Variants in COL25A1 observed in about 807,000 individuals in gnomAD.
COL25A1 encodes the protein collagen type XXV alpha 1 chain.
A neutral mutation model predicts 128.4 loss-of-function variants in COL25A1; 103 were observed. That is an observed-to-expected ratio of 0.80 (90% CI 0.68 to 0.94). The LOEUF is 0.94. Ranked by LOEUF, COL25A1 falls within the 40% of genes least tolerant of loss-of-function variation. The pLI is 0.00. For missense variants in COL25A1, 745 were observed against 840.0 expected (o/e 0.89, Z 1.40); for synonymous variants, 279 against 277.2 (o/e 1.01, Z -0.06).
chr4:109,292,386 A>C (rs1173099057), intron 3 of COL25A1, among the ~76,000 whole-genome samples: 6 of 152,050 alleles, frequency 3.9e-5, no homozygotes, highest in Admixed American at 3.9e-4. Context: ...AAAATGTTTA[A>C]AAGGCATGGG....
intron 3 of COL25A1, among the ~76,000 whole-genome samples, chr4:109,183,222 C>A (rs1018241386): frequency 1.3e-5 from 2 of 152,064 alleles, no homozygotes; most frequent in Admixed American, 6.6e-5. Flanking sequence ...AGCATCTCCA[C>A]CAGCATCCTG....
chr4:109,243,595 A>T (rs967665628), intron 3 of COL25A1, among the ~76,000 whole-genome samples: 11 of 152,104 alleles, frequency 7.2e-5, no homozygotes, highest in Non-Finnish European at 1.3e-4. Context: ...TGAGTGATTT[A>T]AAAACATTCT....
chr4:109,244,529 A>C (rs1780132657), intron 3 of COL25A1, among the ~76,000 whole-genome samples: 1 of 152,174 alleles, frequency 6.6e-6, no homozygotes, highest in South Asian at 2.1e-4. Context: ...TTAAGTTTTA[A>C]TTCACAAACT....
intron 6 of COL25A1, among the ~76,000 whole-genome samples, chr4:108,983,024 G>GA (rs1429815452): frequency 1.3e-5 from 2 of 152,110 alleles, no homozygotes; most frequent in Non-Finnish European, 2.9e-5. Context: ...AAAACAGCAG[G>GA]AATCAGGGAC....
intron 5 of COL25A1, among the ~76,000 whole-genome samples, chr4:109,041,003 T>G (rs1040344122): frequency 5.9e-5 from 9 of 152,124 alleles, no homozygotes; most frequent in African/African-American, 2.2e-4. Flanking sequence ...TCAAGCTTCA[T>G]GAAACTGACT....
intron 16 of COL25A1, among the ~76,000 whole-genome samples, chr4:108,894,654 A>G (rs1470396574): frequency 1.3e-5 from 2 of 152,164 alleles, no homozygotes; most frequent in Non-Finnish European, 2.9e-5. Context: ...CAGAGACCAC[A>G]TGGCCCACAA....
chr4:109,267,822 T>C (rs887081911), intron 3 of COL25A1, among the ~76,000 whole-genome samples: 1 of 152,150 alleles, frequency 6.6e-6, no homozygotes, highest in African/African-American at 2.4e-5. Flanking sequence ...ATACTTCAGG[T>C]CCCAAGCATC....
intron 6 of COL25A1, among the ~76,000 whole-genome samples, chr4:108,981,495 T>A (rs1317351968): frequency 6.6e-6 from 1 of 152,192 alleles, no homozygotes; most frequent in Non-Finnish European, 1.5e-5. Context: ...ATAAATTGTG[T>A]GTGTGGATAC....
At chr4:109,201,612 T>C (rs1454649992) in intron 3 of COL25A1, among the ~76,000 whole-genome samples, 5 of 152,172 alleles carry the variant, frequency 3.3e-5, no homozygotes. Flanking sequence ...ACCACTTCTA[T>C]TCAATATCAC....
In COL25A1 at chr4:108,845,270, C is replaced by G; in HGVS notation, c.1516-19G>C. Reference sequence around the variant, plus strand: ...TGGCTCCCTATAAATAACCATTAAGCAGAGTTAAGCAGGTAAAGTTATTTC... The same window carrying G: ...TGGCTCCCTATAAATAACCATTAAGGAGAGTTAAGCAGGTAAAGTTATTTC... On this transcript the variant is annotated intron_variant, in intron 28 of 37. Coordinates refer to ENST00000399132, the MANE Select transcript of COL25A1 (RefSeq NM_198721.4). 1 of 1,596,922 alleles carries G rather than the reference C, an allele frequency of 6.3e-7. No individual in the cohort carries two copies. The highest frequency in any genetic ancestry group is 8.6e-7 in the Non-Finnish European group (1 of 1,164,368).
chr4:109,208,959 T>C (rs146994581), intron 3 of COL25A1, among the ~76,000 whole-genome samples: 541 of 152,330 alleles, frequency 3.6e-3, no homozygotes, highest in African/African-American at 0.012. Context: ...GAGTATATAA[T>C]AAACAGTAGA....
At position 108,937,809 on chromosome 4, in the gene COL25A1, A is replaced by T. The variant is rs772937696; in HGVS notation, c.707T>A (p.Met236Lys). ...EPGKPGEQGL[M>K]GPLGPPGQKG... is the part of the protein sequence containing the mutation. The stretch of plus-strand genomic sequence containing the variant: ...AAAAAGATAAACTGAGATACTTGCC[A>T]TCAAGCCTTGTTCTCCTGGCTTTCC... Residue 236 changes from methionine (M) to lysine (K), a missense_variant and splice_region_variant, in exon 11 of 38, where the codon ATG (methionine) becomes AAG (lysine). This residue lies in a region of COL25A1 where 319 missense variants were observed against 324.9 expected (regional missense o/e 0.98). Transcript: ENST00000399132. The T allele has an allele frequency of 6.8e-6, 11 of 1,607,348 alleles. No individual in the cohort carries two copies. The South Asian group carries it at 1.0e-4, about 15-fold the overall frequency.
intron 12 of COL25A1, among the ~76,000 whole-genome samples, chr4:108,920,223 C>T (rs767297947): frequency 3.9e-5 from 6 of 152,060 alleles, no homozygotes; most frequent in Non-Finnish European, 7.4e-5. Flanking sequence ...GTTCTCTGGC[C>T]GTTTGGCAAT....
At chr4:109,103,679 T>C (rs1327055070) in intron 3 of COL25A1, among the ~76,000 whole-genome samples, 3 of 152,162 alleles carry the variant, frequency 2.0e-5, no homozygotes, top group African/African-American at 7.2e-5. Flanking sequence ...TCTGAACTCA[T>C]GTTTAAAATG....
At chr4:109,266,798 T>C (rs942459955) in intron 3 of COL25A1, among the ~76,000 whole-genome samples, 1 of 152,218 alleles carries the variant, frequency 6.6e-6, no homozygotes, top group African/African-American at 2.4e-5. Flanking sequence ...GTAGCAATTA[T>C]AGTTATAAAC....
chr4:109,237,799 T>C (rs1041587725), intron 3 of COL25A1, among the ~76,000 whole-genome samples: 1 of 152,018 alleles, frequency 6.6e-6, no homozygotes, highest in East Asian at 1.9e-4. Flanking sequence ...AAACTGAAAC[T>C]CTGTGCCCAT....
At chr4:109,197,231 C>T (rs1305578480) in intron 3 of COL25A1, among the ~76,000 whole-genome samples, 1 of 148,784 alleles carries the variant, frequency 6.7e-6, no homozygotes, top group African/African-American at 2.5e-5. Flanking sequence ...AAGGCTGAGG[C>T]AGGAGGATCA....
At chr4:109,246,000 CTT>C (rs1465744636) in intron 3 of COL25A1, among the ~76,000 whole-genome samples, 8 of 101,670 alleles carry the variant, frequency 7.9e-5, no homozygotes, top group Admixed American at 1.2e-4. Context: ...CCTCTAGTTG[CTT>C]TTTTGTTAAA....
chr4:109,208,355 T>C (rs765713959), intron 3 of COL25A1, among the ~76,000 whole-genome samples: 1 of 152,092 alleles, frequency 6.6e-6, no homozygotes, highest in Admixed American at 6.6e-5. Context: ...AAACATACAC[T>C]GAGGAGTCTC....
Sources: allele counts gnomAD v4.1 joint callset (sites outside exome capture counted in the v4.1 genomes callset), GRCh38; gene constraint gnomAD v4.1.1; regional missense constraint gnomAD v4.1.1; transcripts MANE v1.5; gene names NCBI Gene and HGNC (gene_info 2026-07-23, HGNC 2026-07-21).